The following DPP10 variants were observed in gnomAD, a reference collection of about 807,000 sequenced individuals.
DPP10 encodes the protein inactive dipeptidyl peptidase 10.
Under a neutral mutation model 120.9 loss-of-function variants are expected in DPP10, and 33 were observed. That is an observed-to-expected ratio of 0.27 (90% confidence interval 0.21 to 0.37). The LOEUF is 0.37. Ranked by LOEUF, DPP10 falls within the 10% of genes least tolerant of loss-of-function variation. DPP10 has a pLI of 1.00. For synonymous variants in DPP10, 337 were observed against 326.1 expected, an observed-to-expected ratio of 1.03 and a Z score of -0.36; for missense variants, 816 against 942.8, an observed-to-expected ratio of 0.87 and a Z score of 1.76.
chr2:114,614,653 A>G (rs1249798906), intron 1 of DPP10, among the ~76,000 whole-genome samples: 1 of 152,160 alleles, frequency 6.6e-6, no homozygotes, highest in African/African-American at 2.4e-5. Context: ...AGATTTTATT[A>G]TATCAGTTTG....
intron 5 of DPP10, among the ~76,000 whole-genome samples, chr2:115,551,978 C>T (rs899870304): frequency 3.3e-5 from 5 of 152,022 alleles, no homozygotes; most frequent in African/African-American, 1.2e-4. Flanking sequence ...TTCTAATTGC[C>T]CTTAATCTTT....
At chr2:115,701,553 T>C in intron 7 of DPP10, among the ~76,000 whole-genome samples, 1 of 152,104 alleles carries the variant, frequency 6.6e-6, no homozygotes, top group Non-Finnish European at 1.5e-5. Context: ...TTTGCAGTGC[T>C]TTCTTGGATA....
chr2:115,349,701 G>A (rs1169277700), intron 3 of DPP10, among the ~76,000 whole-genome samples: 1 of 152,086 alleles, frequency 6.6e-6, no homozygotes, highest in Non-Finnish European at 1.5e-5. Flanking sequence ...AATATTTACA[G>A]TAATTAGGGG....
At chr2:115,113,122 A>C (rs1016379611) in intron 1 of DPP10, among the ~76,000 whole-genome samples, 2 of 152,004 alleles carry the variant, frequency 1.3e-5, no homozygotes, top group Admixed American at 1.3e-4. Flanking sequence ...GTCTGGACTA[A>C]ATTTTATATA....
chr2:115,776,663 C>G (rs987452389), intron 13 of DPP10, among the ~76,000 whole-genome samples: 1 of 151,982 alleles, frequency 6.6e-6, no homozygotes, highest in African/African-American at 2.4e-5. Flanking sequence ...AATACTACTA[C>G]CTGTTTTTTA....
chr2:115,830,666 T>C (rs1229204939), intron 21 of DPP10, among the ~76,000 whole-genome samples: 1 of 152,114 alleles, frequency 6.6e-6, no homozygotes, highest in Non-Finnish European at 1.5e-5. Context: ...GAGAGTTTGA[T>C]TCCAAAAAGT....
intron 1 of DPP10, among the ~76,000 whole-genome samples, chr2:114,504,431 C>G (rs1683456990): frequency 6.6e-6 from 1 of 152,122 alleles, no homozygotes; most frequent in Non-Finnish European, 1.5e-5. Flanking sequence ...TCCTGCCCCT[C>G]CTTATCATGA....
Position 115,562,335 on chromosome 2 carries a change from C to CT in DPP10, c.441+36366dup, listed in dbSNP as rs200424157. 2.6e-3 allele frequency among the ~76,000 whole-genome samples: 393 copies of CT among 152,302 alleles called. 10 individuals carry two copies. The East Asian group carries it at 0.062, about 24-fold the overall frequency. ...ATCCACGTGGCCTTAAAACCACAGG[C>CT]TTTCAATCCCTTGTCTTACTTGTCT... is the stretch of plus-strand genomic sequence containing the variant. On this transcript the variant is annotated intron_variant, in intron 5 of 25. Coordinates refer to ENST00000410059, the MANE Select transcript of DPP10 (RefSeq NM_020868.6).
intron 1 of DPP10, among the ~76,000 whole-genome samples, chr2:114,994,278 T>C (rs1045905693): frequency 6.6e-6 from 1 of 152,208 alleles, no homozygotes; most frequent in Admixed American, 6.5e-5. Flanking sequence ...ATGCAATTAC[T>C]ATGTAGAGTA....
chr2:115,389,815 A>T (rs543069193), intron 3 of DPP10, among the ~76,000 whole-genome samples: 105 of 64,974 alleles, frequency 1.6e-3, no homozygotes, highest in African/African-American at 6.5e-3. Context: ...GTGATTACTT[A>T]TTTGGTAAAT....
intron 1 of DPP10, among the ~76,000 whole-genome samples, chr2:115,223,588 G>A (rs2057288826): frequency 6.6e-6 from 1 of 152,082 alleles, no homozygotes; most frequent in Non-Finnish European, 1.5e-5. Context: ...GATATGTTCA[G>A]CTGAAAGTAA....
intron 1 of DPP10, among the ~76,000 whole-genome samples, chr2:114,882,657 C>A (rs1004932510): frequency 6.6e-6 from 1 of 152,040 alleles, no homozygotes; most frequent in Middle Eastern, 3.4e-3. Context: ...AAACAGAAAA[C>A]CCCTGTACCC....
At chr2:115,300,526 A>G (rs894572824) in intron 1 of DPP10, among the ~76,000 whole-genome samples, 2 of 152,098 alleles carry the variant, frequency 1.3e-5, no homozygotes, top group African/African-American at 4.8e-5. Context: ...GCTATTGTAA[A>G]TAATGCTTCT....
intron 1 of DPP10, among the ~76,000 whole-genome samples, chr2:115,102,915 A>G (rs1158744998): frequency 6.6e-6 from 1 of 152,208 alleles, no homozygotes; most frequent in African/African-American, 2.4e-5. Flanking sequence ...AACAGGGCCA[A>G]CACACTGAAA....
At chr2:114,985,844 T>A (rs1700360625) in intron 1 of DPP10, among the ~76,000 whole-genome samples, 1 of 152,244 alleles carries the variant, frequency 6.6e-6, no homozygotes, top group Admixed American at 6.5e-5. Context: ...TTCCATAAAA[T>A]GCATCTGTAT....
At chr2:115,756,008 G>T (rs544835833) in intron 11 of DPP10, among the ~76,000 whole-genome samples, 2 of 151,974 alleles carry the variant, frequency 1.3e-5, no homozygotes, top group East Asian at 1.9e-4. Context: ...CCATAAAAAA[G>T]AATGAAATTC....
chr2:115,269,295 T>G (rs2059593161), intron 1 of DPP10, among the ~76,000 whole-genome samples: 1 of 152,212 alleles, frequency 6.6e-6, no homozygotes, highest in Non-Finnish European at 1.5e-5. Flanking sequence ...TTAAGACATT[T>G]CAGGACACCA....
intron 17 of DPP10, among the ~76,000 whole-genome samples, chr2:115,790,095 C>T (rs1180759173): frequency 7.3e-6 from 1 of 137,190 alleles, no homozygotes; most frequent in South Asian, 2.3e-4. Flanking sequence ...TTTTTTGAGA[C>T]GGAGTCTCGC....
At chr2:115,263,746 A>G (rs1046632713) in intron 1 of DPP10, among the ~76,000 whole-genome samples, 1 of 152,240 alleles carries the variant, frequency 6.6e-6, no homozygotes, top group Non-Finnish European at 1.5e-5. Flanking sequence ...GATTAAGTCA[A>G]GAGTTGCTCC....
Sources: gnomAD v4.1 joint callset for allele counts (sites outside exome capture counted in the v4.1 genomes callset) on GRCh38, gnomAD v4.1.1 for gene constraint, MANE v1.5 for transcripts, NCBI Gene and HGNC (gene_info 2026-07-23, HGNC 2026-07-21) for gene names.